Variants in MS4A10 observed in about 807,000 individuals in gnomAD.
MS4A10 encodes the protein membrane spanning 4-domains A10.
Under a neutral mutation model 27.7 loss-of-function variants are expected in MS4A10, and 27 were observed. The ratio of observed to expected loss-of-function variants is 0.98; its 90% CI spans 0.72 to 1.35. The LOEUF is 1.35. MS4A10 is among the 40% of genes most tolerant of loss of function. MS4A10 has a pLI of 0.00. For missense variants in MS4A10, 338 were observed against 324.7 expected, an observed-to-expected ratio of 1.04 and a Z score of -0.32; for synonymous variants, 139 against 131.2, an observed-to-expected ratio of 1.06 and a Z score of -0.41.
chr11:60,793,933 A>G (rs202044604), intron 4 of MS4A10, 39 bp from the exon 5 acceptor site: 1 of 1,610,582 alleles, frequency 6.2e-7, no homozygotes, highest in East Asian at 2.2e-5. Flanking sequence ...CCAGGTCTCC[A>G]CCCTTTGGAC....
rs778713715 is a variant in MS4A10 at position 60,798,380 on chromosome 11, G to A, written c.604-16G>A. On this transcript the variant is annotated splice_polypyrimidine_tract_variant and intron_variant, in intron 6 of 7. Coordinates refer to ENST00000308287, the MANE Select transcript of MS4A10 (RefSeq NM_206893.4). ...CACAGCTGTGAGCAGCAGGGGCGGC[G>A]ACTTTTCTTTCGCAGAATGATGATG... is the stretch of plus-strand genomic sequence containing the variant. 11 of 1,604,312 alleles carry A rather than the reference G, an allele frequency of 6.9e-6. No homozygotes were observed. The highest frequency in any genetic ancestry group is 6.8e-6 in the Non-Finnish European group (8 of 1,171,596).
intron 1 of MS4A10, among the ~76,000 whole-genome samples, chr11:60,787,137 C>T (rs535195529): frequency 4.0e-5 from 6 of 151,600 alleles, no homozygotes; most frequent in Admixed American, 1.3e-4. Context: ...CTGTGCAGAG[C>T]GCTGAGGCCC....
intron 6 of MS4A10, among the ~76,000 whole-genome samples, chr11:60,796,553 T>C (rs1390746964): frequency 6.6e-6 from 1 of 152,208 alleles, no homozygotes; most frequent in Non-Finnish European, 1.5e-5. Context: ...CCCAAAGTGC[T>C]GGGATTACAG....
intron 1 of MS4A10, among the ~76,000 whole-genome samples, chr11:60,789,279 G>A (rs572617043): frequency 3.9e-5 from 6 of 152,294 alleles, no homozygotes; most frequent in Admixed American, 3.9e-4. Flanking sequence ...CCATCCCCAT[G>A]GAGAAACCAT....
chr11:60,793,388 A>G (rs1027378557), intron 4 of MS4A10, among the ~76,000 whole-genome samples: 4 of 152,344 alleles, frequency 2.6e-5, no homozygotes, highest in Middle Eastern at 3.4e-3. Flanking sequence ...TACAGATTCC[A>G]TATGTGCATA....
At chr11:60,790,583 G>A in intron 2 of MS4A10, 65 bp downstream of exon 2, 1 of 1,570,006 alleles carries the variant, frequency 6.4e-7, no homozygotes, top group East Asian at 2.2e-5. Flanking sequence ...TGAGGAGGAT[G>A]CTGGGGGGCC....
intron 5 of MS4A10, among the ~76,000 whole-genome samples, chr11:60,794,401 A>G (rs1854488153): frequency 1.3e-5 from 2 of 152,238 alleles, no homozygotes; most frequent in East Asian, 1.9e-4. Context: ...CCAGGACCAC[A>G]GCCTAAAACT....
chr11:60,799,306 C>A (rs953485642), intron 7 of MS4A10, among the ~76,000 whole-genome samples: 1 of 152,148 alleles, frequency 6.6e-6, no homozygotes, highest in Non-Finnish European at 1.5e-5. Flanking sequence ...GAGGGACCTG[C>A]CTTCCTCATT....
intron 1 of MS4A10, among the ~76,000 whole-genome samples, chr11:60,785,838 GA>G (rs747256078): frequency 5.5e-4 from 83 of 152,104 alleles, no homozygotes; most frequent in Non-Finnish European, 1.5e-4. Flanking sequence ...CCAGGGAGGA[GA>G]AGGGACTTGT....
intron 3 of MS4A10, 71 bp from the exon 4 acceptor site, chr11:60,792,194 G>A: frequency 8.4e-7 from 1 of 1,186,538 alleles, no homozygotes; most frequent in Non-Finnish European, 1.3e-6. Context: ...GAGAATAGGG[G>A]TGGGGGTGGG....
chr11:60,790,224 C>T, intron 1 of MS4A10, 90 bp from the exon 2 acceptor site: 1 of 1,105,412 alleles, frequency 9.0e-7, no homozygotes, highest in Non-Finnish European at 1.3e-6. Context: ...AAGATCTGGT[C>T]CCTTAAACAG....
rs770722171 is a variant in MS4A10, at chr11:60,790,378, G to A, written c.43G>A (p.Gly15Arg). The change falls in exon 2 of 8, where the codon GGG becomes AGG. Residue 15 changes from glycine (G) to arginine (R), a missense_variant. By Grantham distance (125) the Gly-to-Arg change is moderately radical. Transcript: ENST00000308287. ...ATVIPSRCAR[G>R]LPSWQVLSPV... is the part of the protein sequence containing the mutation. ...AGTTATTCCCAGCCGTTGTGCTAGG[G>A]GGCTCCCATCATGGCAAGTCCTCAG... is the stretch of plus-strand genomic sequence containing the variant. 2.5e-6 allele frequency: 4 copies of A among 1,614,140 alleles called. No individual in the cohort carries two copies.
At chr11:60,786,651 T>A (rs940477195) in intron 1 of MS4A10, among the ~76,000 whole-genome samples, 5 of 151,490 alleles carry the variant, frequency 3.3e-5, no homozygotes, top group Non-Finnish European at 7.4e-5. Context: ...ATGGAGGCAA[T>A]AAACTCACCA....
chr11:60,790,246 A>G, intron 1 of MS4A10, 68 bp from the exon 2 acceptor site: 2 of 1,341,968 alleles, frequency 1.5e-6, no homozygotes, highest in Non-Finnish European at 1.0e-6. Context: ...GGTGATTGGC[A>G]GAGGCTCACC....
chr11:60,791,051 G>A lies in MS4A10; in HGVS notation c.261G>A (p.Leu87=). The stretch of plus-strand genomic sequence containing the variant: ...CCTCTATAGTCAAGAACCTTCACCT[G>A]GTGGTGCTGAAGTCTTGGTATCCAT... ...YLASIVKNLH[L]VVLKSWYPFW... The change falls in exon 3 of 8, where the codon CTG becomes CTA. Residue 87 remains leucine (L), a synonymous_variant. Transcript: ENST00000308287. The A allele has an allele frequency of 1.2e-6, 2 of 1,614,136 alleles. No homozygotes were observed. The highest frequency in any genetic ancestry group is 1.7e-6 in the Non-Finnish European group (2 of 1,180,012).
At chr11:60,787,999 A>G (rs1251765093) in intron 1 of MS4A10, among the ~76,000 whole-genome samples, 2 of 152,078 alleles carry the variant, frequency 1.3e-5, no homozygotes, top group South Asian at 2.1e-4. Context: ...CCTGGGTGAC[A>G]AGAGCGAAAC....
intron 6 of MS4A10, among the ~76,000 whole-genome samples, chr11:60,797,256 C>T (rs1854546842): frequency 6.6e-6 from 1 of 152,144 alleles, no homozygotes. Flanking sequence ...TATTTATTGA[C>T]CTTTGCTGTG....
At chr11:60,796,618 T>C (rs926211184) in intron 6 of MS4A10, among the ~76,000 whole-genome samples, 2 of 152,142 alleles carry the variant, frequency 1.3e-5, no homozygotes, top group African/African-American at 4.8e-5. Context: ...TACATTCTCA[T>C]ACTACAGACT....
At chr11:60,791,645 AGTCCAAGCTCCACGGCACT>A (rs1430805862) in intron 3 of MS4A10, among the ~76,000 whole-genome samples, 1 of 152,220 alleles carries the variant, frequency 6.6e-6, no homozygotes, top group East Asian at 1.9e-4. Context: ...CTATGCACTA[AGTCCAAGCTCCACGGCACT>A]GTCTTGGGCA....
Sources: allele counts gnomAD v4.1 joint callset (sites outside exome capture counted in the v4.1 genomes callset), GRCh38; gene constraint gnomAD v4.1.1; transcripts MANE v1.5; gene names NCBI Gene and HGNC (gene_info 2026-07-23, HGNC 2026-07-21).